Variants in TNS4 observed in about 807,000 individuals in gnomAD.
TNS4 encodes tensin 4.
In TNS4, 46 loss-of-function variants were observed where a neutral mutation model predicts 70.4. The ratio of observed to expected loss-of-function variants is 0.65; its 90% CI spans 0.52 to 0.84. TNS4 has a LOEUF of 0.84. Among genes scored for constraint, TNS4 ranks in the 40% least tolerant of loss-of-function variants. The probability of loss-of-function intolerance (pLI) is 0.00; values close to 1 mark genes in which losing one functional copy is unlikely to be tolerated. For missense variants in TNS4, 863 were observed against 907.0 expected, an observed-to-expected ratio of 0.95 and a Z score of 0.62; for synonymous variants, 390 against 366.6, an observed-to-expected ratio of 1.06 and a Z score of -0.73.
chr17:40,492,266 CTG>C (rs1375266827), intron 2 of TNS4, among the ~76,000 whole-genome samples: 1 of 152,224 alleles, frequency 6.6e-6, no homozygotes, highest in Non-Finnish European at 1.5e-5. Context: ...GACTGTGTGA[CTG>C]TGAGCCATCA....
Position 40,488,910 on chromosome 17 carries a change from A to G in TNS4, c.499T>C (p.Cys167Arg), listed in dbSNP as rs200725648. The G allele has an allele frequency of 6.2e-7, 1 of 1,607,420 alleles. No individual in the cohort carries two copies. Among genetic ancestry groups the G allele is most frequent in the Admixed American group, 1.7e-5 (1 of 57,716 alleles). The change falls in exon 3 of 13, where the codon TGC becomes CGC. Residue 167 changes from cysteine to arginine, a missense_variant. Transcript: ENST00000254051. ...RSRCHDGPQH[C>R]SSPSVTPPFG... The stretch of plus-strand genomic sequence containing the variant: ...GGCGGGGTGACAGAGGGGCTGGAGC[A>G]GTGCTGGGGGCCATCGTGGCACCTT...
At chr17:40,485,154 T>G in intron 4 of TNS4, 147 bp from the exon 5 acceptor site, 1 of 652,766 alleles carries the variant, frequency 1.5e-6, no homozygotes, top group Non-Finnish European at 2.6e-6. Flanking sequence ...CCATTGTATC[T>G]CCAAACTGCC....
intron 4 of TNS4, 26 bp from the exon 5 acceptor site, chr17:40,485,033 C>T (rs767915412): frequency 2.2e-5 from 35 of 1,607,366 alleles, no homozygotes; most frequent in African/African-American, 2.7e-5. Context: ...GAAGGGGGAC[C>T]CTGTAGGCTG....
intron 2 of TNS4, among the ~76,000 whole-genome samples, chr17:40,492,115 A>G (rs2036079144): frequency 6.6e-6 from 1 of 152,180 alleles, no homozygotes; most frequent in Non-Finnish European, 1.5e-5. Flanking sequence ...CGCGCCTCAG[A>G]AGAGGAGCCT....
chr17:40,498,902 T>G (rs1168034072), intron 1 of TNS4, among the ~76,000 whole-genome samples: 1 of 152,154 alleles, frequency 6.6e-6, no homozygotes. Context: ...ATGCTGAGAC[T>G]CGGAGAGGTC....
rs745307738 is a variant in TNS4 at position 40,480,665 on chromosome 17, G to A, written c.1741+35C>T. On this transcript the variant is annotated intron_variant, in intron 9 of 12. Transcript: ENST00000254051. ...TTGGGAGGTGCCCTCTTGGGGCACA[G>A]CCAAGCTTGGCGCCTCCCTTCCTGT... 1.1e-5 allele frequency: 17 copies of A among 1,486,960 alleles called. No homozygotes were observed. In the Middle Eastern group the frequency reaches 8.0e-4, roughly 70 times the overall value. 92.1% of individuals were successfully genotyped at this position (1,486,960 alleles called of 1,614,324 possible).
At chr17:40,484,438 C>G in intron 6 of TNS4, 46 bp downstream of exon 6, 1 of 1,597,476 alleles carries the variant, frequency 6.3e-7, no homozygotes, top group Non-Finnish European at 8.5e-7. Flanking sequence ...TACCACACCC[C>G]GCTGCCTCAG....
chr17:40,484,859 C>G, intron 5 of TNS4, 62 bp downstream of exon 5: 1 of 1,579,672 alleles, frequency 6.3e-7, no homozygotes, highest in East Asian at 2.2e-5. Context: ...AACCCAGGGC[C>G]CTGCCTGATG....
rs778046724 is a variant in TNS4, at chr17:40,482,336, C to T, written c.1582G>A (p.Glu528Lys). 2 of 1,614,188 alleles carry T rather than the reference C, an allele frequency of 1.2e-6. No homozygotes were observed. The highest frequency in any genetic ancestry group is 2.2e-5 in the South Asian group (2 of 91,086). ...KGVHLKGADE[E>K]PYFGSLSAFV... ...TGGGGAGTCTCACCAAAGTAGGGCTCCTCATCTGCTCCTTTGAGATGCACT... is the reference window on the plus strand; with the variant it reads ...TGGGGAGTCTCACCAAAGTAGGGCTTCTCATCTGCTCCTTTGAGATGCACT... The change falls in exon 7 of 13, where the codon GAG becomes AAG. Residue 528 changes from glutamate (E) to lysine (K), a missense_variant. Physicochemically the swap from Glu to Lys is moderately conservative, Grantham distance 56. Coordinates refer to ENST00000254051, the MANE Select transcript of TNS4 (RefSeq NM_032865.6).
intron 5 of TNS4, 35 bp downstream of exon 5, chr17:40,484,886 G>T: frequency 6.2e-7 from 1 of 1,608,494 alleles, no homozygotes; most frequent in South Asian, 1.1e-5. Context: ...GCAAGACCCA[G>T]ACCCTATTCT....
intron 2 of TNS4, among the ~76,000 whole-genome samples, chr17:40,490,139 T>C (rs1423832451): frequency 6.6e-6 from 1 of 152,228 alleles, no homozygotes; most frequent in Non-Finnish European, 1.5e-5. Context: ...GCTGCATTCT[T>C]GAGCTATGGA....
At chr17:40,499,368 C>G (rs2036183847) in intron 1 of TNS4, among the ~76,000 whole-genome samples, 1 of 152,168 alleles carries the variant, frequency 6.6e-6, no homozygotes, top group African/African-American at 2.4e-5. Flanking sequence ...GCTCTTGAGA[C>G]AGGAGTCTTG....
At chr17:40,478,689 G>A (rs1319540029) in intron 10 of TNS4, 41 bp from the exon 11 acceptor site, 1 of 1,600,658 alleles carries the variant, frequency 6.2e-7, no homozygotes, top group Non-Finnish European at 8.6e-7. Context: ...ATGACAGCCT[G>A]TCCCAGTGTC....
intron 5 of TNS4, 57 bp downstream of exon 5, chr17:40,484,864 C>G: frequency 1.9e-6 from 3 of 1,588,004 alleles, no homozygotes; most frequent in Non-Finnish European, 2.6e-6. Flanking sequence ...AGGGCCCTGC[C>G]TGATGCAAAG....
Position 40,496,217 on chromosome 17 carries a change from G to T in TNS4, c.209C>A (p.Pro70Gln). 1 of 1,599,352 alleles carries T rather than the reference G, an allele frequency of 6.3e-7. No homozygotes were observed. Among genetic ancestry groups the T allele is most frequent in the Non-Finnish European group, 8.5e-7 (1 of 1,173,216 alleles). ...GCAGGTGGCTTTGGCCTCCACCTGT[G>T]GGGCTTGCTGGAGTCGGCCAGGGGG... Reference protein sequence around the residue: ...MGPPGRLQQAPQVEAKATCFL... With the variant: ...MGPPGRLQQAQQVEAKATCFL... The change falls in exon 2 of 13, where the codon CCA (proline) becomes CAA (glutamine). Residue 70 changes from proline (P) to glutamine (Q), a missense_variant. Coordinates refer to ENST00000254051, the MANE Select transcript of TNS4 (RefSeq NM_032865.6).
At chr17:40,497,226 A>G (rs1172364117) in intron 1 of TNS4, among the ~76,000 whole-genome samples, 1 of 152,180 alleles carries the variant, frequency 6.6e-6, no homozygotes, top group African/African-American at 2.4e-5. Context: ...GGAGGAAGGG[A>G]CACGCAAAGG....
chr17:40,478,032 A>G (rs779685364), intron 12 of TNS4: 17 of 602,302 alleles, frequency 2.8e-5, no homozygotes, highest in Non-Finnish European at 5.0e-5. Context: ...ATGCATCTTG[A>G]TCATCAGACT....
intron 3 of TNS4, among the ~76,000 whole-genome samples, chr17:40,488,059 G>A (rs1398334638): frequency 3.3e-5 from 5 of 152,336 alleles, no homozygotes; most frequent in African/African-American, 9.6e-5. Flanking sequence ...GAATGGGTGC[G>A]CATGTGCCTG....
intron 1 of TNS4, 39 bp downstream of exon 1, chr17:40,501,495 C>T (rs562405528): frequency 6.7e-6 from 1 of 149,536 alleles, no homozygotes; most frequent in East Asian, 2.0e-4. Flanking sequence ...AGCAAAGGTG[C>T]TCCGTGTTCC....
Sources: allele counts gnomAD v4.1 joint callset (sites outside exome capture counted in the v4.1 genomes callset), GRCh38; gene constraint gnomAD v4.1.1; transcripts MANE v1.5; gene names NCBI Gene and HGNC (gene_info 2026-07-23, HGNC 2026-07-21).